KCNMA1: variants seen among roughly 807,000 people sequenced by gnomAD.
KCNMA1 encodes potassium calcium-activated channel subfamily M alpha 1.
Under a neutral mutation model 140.0 loss-of-function variants are expected in KCNMA1, and 29 were observed. The observed-to-expected ratio is 0.21, with a 90% confidence interval of 0.15 to 0.28. The LOEUF is 0.28. KCNMA1 is among the 10% of genes least tolerant of loss of function. The probability of loss-of-function intolerance (pLI) is 1.00; values close to 1 mark genes in which losing one functional copy is unlikely to be tolerated. For synonymous variants in KCNMA1, 612 were observed against 611.9 expected (o/e 1.00, Z 0.00); for missense variants, 880 against 1,602.2 (o/e 0.55, Z 7.70).
chr10:77,612,673 A>G (rs2087412608), intron 1 of KCNMA1, among the ~76,000 whole-genome samples: 1 of 152,210 alleles, frequency 6.6e-6, no homozygotes, highest in South Asian at 2.1e-4. Context: ...GTTAGACTTC[A>G]ATTTTAAAAA....
At chr10:77,281,991 A>T (rs1343468957) in intron 2 of KCNMA1, among the ~76,000 whole-genome samples, 2 of 151,900 alleles carry the variant, frequency 1.3e-5, no homozygotes, top group Non-Finnish European at 2.9e-5. Context: ...AGCCAGGGAG[A>T]CCTCAGTTTG....
At chr10:77,423,508 G>C (rs1034870408) in intron 1 of KCNMA1, among the ~76,000 whole-genome samples, 4 of 152,128 alleles carry the variant, frequency 2.6e-5, no homozygotes, top group Non-Finnish European at 5.9e-5. Flanking sequence ...TCCTGTGCCC[G>C]ATACCTTAGG....
chr10:76,885,184 C>A lies in KCNMA1; in HGVS notation c.*2082G>T. ...ATGAAGAGCTCTTCATGATCCAATACTAGGGGATACATATATATAGTTATA... is the reference window on the plus strand; with the variant it reads ...ATGAAGAGCTCTTCATGATCCAATAATAGGGGATACATATATATAGTTATA... On this transcript the variant is annotated 3_prime_UTR_variant, in exon 28 of 28. Transcript: ENST00000286628. 9.3e-7 allele frequency: 1 copy of A among 1,079,854 alleles called. No homozygotes were observed. Among genetic ancestry groups the A allele is most frequent in the South Asian group, 3.4e-5 (1 of 29,232 alleles). The allele number at this position is 1,079,854 out of a possible 1,614,324, so 66.9% of individuals were successfully genotyped here.
intron 2 of KCNMA1, among the ~76,000 whole-genome samples, chr10:77,358,187 C>A (rs1295635095): frequency 1.3e-5 from 2 of 152,230 alleles, no homozygotes; most frequent in East Asian, 3.9e-4. Flanking sequence ...TAGCTGAGAG[C>A]CACAGAACTG....
At chr10:77,402,155 A>G (rs2096288467) in intron 2 of KCNMA1, among the ~76,000 whole-genome samples, 1 of 152,198 alleles carries the variant, frequency 6.6e-6, no homozygotes, top group Non-Finnish European at 1.5e-5. Flanking sequence ...TTTTGTCCCC[A>G]TGAATACCCA....
At chr10:76,991,512 A>G (rs1254113651) in intron 19 of KCNMA1, among the ~76,000 whole-genome samples, 1 of 152,158 alleles carries the variant, frequency 6.6e-6, no homozygotes, top group East Asian at 1.9e-4. Flanking sequence ...TTATGTTTAC[A>G]TATATATACT....
At chr10:77,136,155 C>A (rs1171539414) in intron 5 of KCNMA1, among the ~76,000 whole-genome samples, 1 of 151,952 alleles carries the variant, frequency 6.6e-6, no homozygotes, top group Non-Finnish European at 1.5e-5. Context: ...GGGAATATAG[C>A]CTAAGAAAAT....
chr10:77,455,530 A>G (rs1603624244), intron 1 of KCNMA1, among the ~76,000 whole-genome samples: 1 of 152,274 alleles, frequency 6.6e-6, no homozygotes, highest in Middle Eastern at 3.4e-3. Flanking sequence ...ATAGGCTCCT[A>G]TGAAATGTAG....
Position 77,637,505 on chromosome 10 carries a change from A to AGAGGAGGAG in KCNMA1, c.129_137dup (p.Ser58_Ser60dup), listed in dbSNP as rs572827902. 8 of 1,572,864 alleles carry AGAGGAGGAG rather than the reference A, an allele frequency of 5.1e-6. No homozygotes were observed. The East Asian group carries it at 6.9e-5, about 14-fold the overall frequency. The stretch of plus-strand genomic sequence containing the variant: ...AGGAGGAGGAAGAAGAAGAAGAGGA[A>AGAGGAGGAG]GAGGAGGAGGAGGAGGAGGAGGACG... On this transcript the variant is annotated inframe_insertion, in exon 1 of 28. Coordinates refer to ENST00000286628, the MANE Select transcript of KCNMA1 (RefSeq NM_001161352.2).
intron 1 of KCNMA1, among the ~76,000 whole-genome samples, chr10:77,476,584 T>C (rs1238133887): frequency 1.3e-5 from 2 of 152,254 alleles, no homozygotes; most frequent in African/African-American, 4.8e-5. Context: ...TTTTGGCTCC[T>C]GCTGTCACAG....
intron 3 of KCNMA1, among the ~76,000 whole-genome samples, chr10:77,215,287 C>T (rs1330683900): frequency 6.6e-6 from 1 of 152,054 alleles, no homozygotes; most frequent in African/African-American, 2.4e-5. Context: ...CCTACTTCAC[C>T]ACCCCACTAG....
At chr10:76,943,252 T>G (rs147748267) in intron 23 of KCNMA1, among the ~76,000 whole-genome samples, 57 of 152,328 alleles carry the variant, frequency 3.7e-4, no homozygotes, top group Admixed American at 9.8e-4. Context: ...GAGCCTCTCC[T>G]AGGCCTTCAC....
intron 2 of KCNMA1, among the ~76,000 whole-genome samples, chr10:77,369,851 G>T (rs950816718): frequency 3.9e-5 from 6 of 152,216 alleles, no homozygotes; most frequent in African/African-American, 1.4e-4. Flanking sequence ...AAAAATACTT[G>T]CTTCATGGCA....
intron 1 of KCNMA1, among the ~76,000 whole-genome samples, chr10:77,577,602 G>A (rs1365474825): frequency 2.6e-5 from 4 of 152,126 alleles, no homozygotes; most frequent in Non-Finnish European, 4.4e-5. Flanking sequence ...ACACACATAC[G>A]TAACTTATGT....
chr10:77,337,758 C>T lies in KCNMA1; in HGVS notation c.540+66104G>A, dbSNP rs951886514. On this transcript the variant is annotated intron_variant, in intron 2 of 27. Coordinates refer to ENST00000286628, the MANE Select transcript of KCNMA1 (RefSeq NM_001161352.2). ...CTAGGCATGCAGCAGGATTACATTA[C>T]CCTGCACCCTCTGAAGTTAGGCTAA... Among the ~76,000 whole-genome samples, 4 of 152,238 alleles carry T rather than the reference C, an allele frequency of 2.6e-5. No homozygotes were observed. In the East Asian group the frequency reaches 7.7e-4, roughly 29 times the overall value.
intron 1 of KCNMA1, among the ~76,000 whole-genome samples, chr10:77,517,022 G>A (rs1313258026): frequency 5.9e-5 from 9 of 151,856 alleles, no homozygotes; most frequent in Non-Finnish European, 1.2e-4. Context: ...AAAAGGTGAG[G>A]GGAAGCCGGC....
intron 9 of KCNMA1, among the ~76,000 whole-genome samples, chr10:77,100,237 G>C (rs2097062500): frequency 6.6e-6 from 1 of 152,104 alleles, no homozygotes. Context: ...GTTAGAATGG[G>C]AGTTTTCCTA....
At chr10:77,255,461 G>C (rs2060526208) in intron 2 of KCNMA1, among the ~76,000 whole-genome samples, 1 of 152,004 alleles carries the variant, frequency 6.6e-6, no homozygotes, top group South Asian at 2.1e-4. Flanking sequence ...ATTAGCAGTT[G>C]TGGTGGTGCA....
At chr10:77,390,419 G>A (rs991567635) in intron 2 of KCNMA1, among the ~76,000 whole-genome samples, 1 of 152,316 alleles carries the variant, frequency 6.6e-6, no homozygotes, top group Admixed American at 6.5e-5. Flanking sequence ...CTGATGATCT[G>A]AGCTTTTTCC....
Sources: allele counts gnomAD v4.1 joint callset (sites outside exome capture counted in the v4.1 genomes callset), GRCh38; gene constraint gnomAD v4.1.1; transcripts MANE v1.5; gene names NCBI Gene and HGNC (gene_info 2026-07-23, HGNC 2026-07-21).